The following TENM3 variants were observed in gnomAD, a reference collection of about 807,000 sequenced individuals.
TENM3 encodes teneurin transmembrane protein 3, also known as teneurin-3.
A neutral mutation model predicts 255.1 loss-of-function variants in TENM3; 63 were observed. That is an observed-to-expected ratio of 0.25 (90% CI 0.20 to 0.30). The LOEUF (loss-of-function observed/expected upper bound fraction) is 0.30. Ranked by LOEUF, TENM3 falls within the 10% of genes least tolerant of loss-of-function variation. The pLI, the probability that TENM3 is intolerant of heterozygous loss-of-function variation, is 1.00. For synonymous variants in TENM3, 1,306 were observed against 1,322.3 expected, an observed-to-expected ratio of 0.99 and a Z score of 0.27; for missense variants, 2,929 against 3,461.1, an observed-to-expected ratio of 0.85 and a Z score of 3.86.
At chr4:181,607,895 A>C in the TENM3 span, among the ~76,000 whole-genome samples, 1 of 152,234 alleles carries the variant, frequency 6.6e-6, no homozygotes, top group Admixed American at 6.5e-5. Flanking sequence ...ATATTCTATC[A>C]GGAATTTTCA....
intron 1 of TENM3, among the ~76,000 whole-genome samples, chr4:182,258,797 G>A (rs1758596988): frequency 6.6e-6 from 1 of 152,116 alleles, no homozygotes; most frequent in African/African-American, 2.4e-5. Context: ...GTAGTAGCCT[G>A]ACAAAGAAAC....
chr4:181,967,698 C>G, the TENM3 span, among the ~76,000 whole-genome samples: 2 of 152,074 alleles, frequency 1.3e-5, no homozygotes, highest in Non-Finnish European at 2.9e-5. Context: ...AACACATTTC[C>G]CCATGATATA....
At chr4:182,101,393 T>A in the TENM3 span, among the ~76,000 whole-genome samples, 37,318 of 146,424 alleles carry the variant, frequency 0.25, 5,936 homozygotes, top group East Asian at 0.35. Context: ...TCTTCAATAG[T>A]TACACTTACT....
At chr4:182,670,554 C>T (rs11132145) in intron 6 of TENM3, among the ~76,000 whole-genome samples, 131,972 of 152,200 alleles carry the variant, frequency 0.87, 57,341 homozygotes, top group African/African-American at 0.93. Context: ...ACCTCTAGCC[C>T]GCTCAGAACC....
At chr4:181,553,688 G>A in the TENM3 span, among the ~76,000 whole-genome samples, 54 of 152,080 alleles carry the variant, frequency 3.6e-4, 1 homozygote, top group East Asian at 8.0e-3. Flanking sequence ...TGATCTGCCC[G>A]CCTCGGCCTC....
chr4:181,514,812 T>C, the TENM3 span, among the ~76,000 whole-genome samples: 2 of 152,146 alleles, frequency 1.3e-5, no homozygotes, highest in Non-Finnish European at 2.9e-5. Context: ...ACCTGAGGCG[T>C]GGTAGCCACT....
At chr4:181,996,655 T>C in the TENM3 span, among the ~76,000 whole-genome samples, 1 of 152,112 alleles carries the variant, frequency 6.6e-6, no homozygotes, top group Non-Finnish European at 1.5e-5. Context: ...GGACACCGTT[T>C]AGAAGGTGAT....
chr4:181,535,514 G>A, the TENM3 span, among the ~76,000 whole-genome samples: 6 of 152,130 alleles, frequency 3.9e-5, no homozygotes, highest in Non-Finnish European at 5.9e-5. Flanking sequence ...GTAATCCTGT[G>A]ATAATGGAAG....
At chr4:182,227,387 T>G (rs1756233079) in intron 1 of TENM3, among the ~76,000 whole-genome samples, 1 of 152,170 alleles carries the variant, frequency 6.6e-6, no homozygotes, top group African/African-American at 2.4e-5. Context: ...ATTCAAGGCC[T>G]CAAGCCTGTC....
the TENM3 span, among the ~76,000 whole-genome samples, chr4:181,994,551 T>TG: frequency 0.013 from 1,436 of 109,396 alleles, 26 homozygotes; most frequent in African/African-American, 0.045. Context: ...TTGTTTTTTG[T>TG]GGGTTTTTTT....
At chr4:181,752,530 C>T in the TENM3 span, among the ~76,000 whole-genome samples, 3 of 151,582 alleles carry the variant, frequency 2.0e-5, no homozygotes, top group Middle Eastern at 3.4e-3. Flanking sequence ...CCAGCCTGGG[C>T]GACAGAGCGA....
chr4:181,752,642 T>C, the TENM3 span, among the ~76,000 whole-genome samples: 34 of 152,184 alleles, frequency 2.2e-4, no homozygotes, highest in Non-Finnish European at 3.7e-4. Context: ...TATCATTTTA[T>C]TTTTTTGGAG....
the TENM3 span, among the ~76,000 whole-genome samples, chr4:181,809,194 A>G: frequency 2.0e-5 from 3 of 152,330 alleles, no homozygotes; most frequent in East Asian, 5.8e-4. Flanking sequence ...GATGGGCTGG[A>G]AACAAACATA....
At chr4:182,589,600 T>G (rs979528319) in intron 3 of TENM3, among the ~76,000 whole-genome samples, 1 of 152,146 alleles carries the variant, frequency 6.6e-6, no homozygotes, top group Admixed American at 6.5e-5. Flanking sequence ...CTCTTAAATT[T>G]TGTAGTTTGT....
chr4:182,223,783 CAAA>C (rs61535632), intron 1 of TENM3, among the ~76,000 whole-genome samples: 2 of 112,996 alleles, frequency 1.8e-5, no homozygotes, highest in African/African-American at 3.4e-5. Context: ...GATAGATTGG[CAAA>C]AAAAAAAAAA....
intron 3 of TENM3, among the ~76,000 whole-genome samples, chr4:182,496,459 A>G (rs1735782177): frequency 6.6e-6 from 1 of 152,092 alleles, no homozygotes; most frequent in Non-Finnish European, 1.5e-5. Context: ...ATCAGCCTTT[A>G]ATTAGTTGAT....
the TENM3 span, among the ~76,000 whole-genome samples, chr4:181,553,874 G>C: frequency 6.6e-6 from 1 of 151,582 alleles, no homozygotes; most frequent in Non-Finnish European, 1.5e-5. Context: ...CTCCCTTTAA[G>C]TGGGCTCTTA....
the TENM3 span, among the ~76,000 whole-genome samples, chr4:181,730,786 A>G: frequency 7.9e-5 from 12 of 152,216 alleles, no homozygotes; most frequent in Admixed American, 3.9e-4. Flanking sequence ...TGACTTCTCC[A>G]TGTGGCTAAT....
chr4:182,151,755 T>TAATATTAA lies in TENM3; in HGVS notation c.-76+7001_-76+7002insAATATTAA, dbSNP rs1491039869. On this transcript the variant is annotated intron_variant, in intron 1 of 2. Transcript: ENST00000512480. The stretch of plus-strand genomic sequence containing the variant: ...TCTCTATTTATAAGCAAAAATGAAA[T>TAATATTAA]GAATATTTAAAACTTTAAAATTTTT... 6.6e-5 allele frequency among the ~76,000 whole-genome samples: 10 copies of TAATATTAA among 152,142 alleles called. No homozygotes were observed. In the East Asian group the frequency reaches 1.9e-3, roughly 29 times the overall value.
Sources: allele counts gnomAD v4.1 joint callset (sites outside exome capture counted in the v4.1 genomes callset), GRCh38; gene constraint gnomAD v4.1.1; transcripts MANE v1.5; gene names NCBI Gene and HGNC (gene_info 2026-07-23, HGNC 2026-07-21).